Variants in FFAR4 observed in about 807,000 individuals in gnomAD.
The protein encoded by FFAR4 is G-protein coupled receptor 120.
In FFAR4, 19 loss-of-function variants were observed where a neutral mutation model predicts 27.0. That is an observed-to-expected ratio of 0.70 (90% CI 0.49 to 1.03). The LOEUF (loss-of-function observed/expected upper bound fraction) is 1.03, where lower values mean the gene tolerates loss of function less well. Ranked by LOEUF, FFAR4 falls within the 50% of genes least tolerant of loss-of-function variation. The pLI, the probability that FFAR4 is intolerant of heterozygous loss-of-function variation, is 0.00. For synonymous variants in FFAR4, 254 were observed against 215.6 expected (o/e 1.18, Z -1.56); for missense variants, 476 against 479.0 (o/e 0.99, Z 0.06).
At chr10:93,583,277 G>A (rs375239193) in intron 2 of FFAR4, among the ~76,000 whole-genome samples, 4 of 150,792 alleles carry the variant, frequency 2.7e-5, no homozygotes, top group African/African-American at 7.3e-5. Flanking sequence ...TTAGCCGGGC[G>A]TGATGGCGGG....
intron 2 of FFAR4, among the ~76,000 whole-genome samples, chr10:93,578,416 C>CAAA (rs762326870): frequency 5.2e-4 from 31 of 60,050 alleles, no homozygotes; most frequent in Admixed American, 7.8e-4. Context: ...GATTCCCTCT[C>CAAA]AAAAAAAAAA....
At chr10:93,569,123 A>T (rs76035592) in intron 1 of FFAR4, among the ~76,000 whole-genome samples, 4,458 of 152,276 alleles carry the variant, frequency 0.029, 135 homozygotes, top group Non-Finnish European at 0.039. Context: ...TTATTCTCTC[A>T]GTGAGTCACA....
chr10:93,586,889 C>T (rs74695559), intron 2 of FFAR4, among the ~76,000 whole-genome samples: 3,553 of 152,232 alleles, frequency 0.023, 121 homozygotes, highest in African/African-American at 0.08. Flanking sequence ...TGAGTTTGAA[C>T]CCTAAGCACA....
chr10:93,583,131 G>C (rs1053611095), intron 2 of FFAR4, among the ~76,000 whole-genome samples: 20 of 151,500 alleles, frequency 1.3e-4, no homozygotes, highest in African/African-American at 4.8e-4. Context: ...GGCCGGGCGC[G>C]GTGGCTCAAG....
At chr10:93,584,608 G>A (rs914747574) in intron 2 of FFAR4, among the ~76,000 whole-genome samples, 1 of 152,134 alleles carries the variant, frequency 6.6e-6, no homozygotes. Context: ...CTGTTGCCCT[G>A]GTCTCCACCA....
Position 93,576,179 on chromosome 10 carries a change from C to T in FFAR4, c.656C>T (p.Pro219Leu), listed in dbSNP as rs776788951. ...VSFVTLNFLV[P>L]GLVIVISYSK... ...TTTGTTACTTTGAACTTCTTGGTGC[C>T]AGGACTGGTCATTGTGATCAGTTAC... The change falls in exon 2 of 3, where the codon CCA (proline) becomes CTA (leucine). Residue 219 changes from proline (P) to leucine (L), a missense_variant. Physicochemically the swap from Pro to Leu is moderately conservative, Grantham distance 98. Transcript: ENST00000371481. 6.2e-7 allele frequency: 1 copy of T among 1,613,998 alleles called. No homozygotes were observed.
intron 2 of FFAR4, among the ~76,000 whole-genome samples, chr10:93,586,003 G>A (rs969927514): frequency 6.6e-6 from 1 of 152,180 alleles, no homozygotes; most frequent in Non-Finnish European, 1.5e-5. Flanking sequence ...CTAGGGTGGG[G>A]TCCAGTGCTC....
chr10:93,578,416 C>CAAAAAAA (rs762326870), intron 2 of FFAR4, among the ~76,000 whole-genome samples: 1 of 60,198 alleles, frequency 1.7e-5, no homozygotes, highest in African/African-American at 6.0e-5. Context: ...GATTCCCTCT[C>CAAAAAAA]AAAAAAAAAA....
At chr10:93,576,325 C>A in intron 2 of FFAR4, 106 bp downstream of exon 2, 1 of 1,180,154 alleles carries the variant, frequency 8.5e-7, no homozygotes, top group Non-Finnish European at 1.2e-6. Flanking sequence ...TTCACGCCAG[C>A]TCAATCTTGA....
rs539909124 is a variant in FFAR4 at position 93,589,231 on chromosome 10, T to C, written c.*1622T>C. On this transcript the variant is annotated 3_prime_UTR_variant, in exon 3 of 3. Transcript: ENST00000371481. ...ACATAGGGCCTAGGAGTTTATTCTG[T>C]TCTCCAAGCCCCTGGAGGTTGGCAA... 6.6e-6 allele frequency: 1 copy of C among 152,400 alleles called. No individual in the cohort carries two copies. Among genetic ancestry groups the C allele is most frequent in the African/African-American group, 2.4e-5 (1 of 41,546 alleles). 9.4% of individuals were successfully genotyped at this position (152,400 alleles called of 1,614,324 possible). A position where few individuals can be genotyped will look rare whatever the true frequency, so the allele number is the denominator to read the frequency against.
At position 93,588,759 on chromosome 10, in the gene FFAR4, C is replaced by G. The variant is rs1487525256; in HGVS notation, c.*1150C>G. 1.3e-5 allele frequency: 2 copies of G among 152,262 alleles called. No homozygotes were observed. The highest frequency in any genetic ancestry group is 2.9e-5 in the Non-Finnish European group (2 of 68,066). The allele number at this position is 152,262 out of a possible 1,614,324, so 9.4% of individuals were successfully genotyped here. On this transcript the variant is annotated 3_prime_UTR_variant, in exon 3 of 3. Transcript: ENST00000371481. ...GGAGTGCAACGGCACAATCACGGCT[C>G]CCTGAAGCCTCAAATGCCTTGGCTC...
intron 2 of FFAR4, among the ~76,000 whole-genome samples, chr10:93,581,090 A>C (rs1417939994): frequency 1.3e-5 from 2 of 152,250 alleles, no homozygotes; most frequent in Admixed American, 1.3e-4. Context: ...CCAGAATGGA[A>C]GAGCAGCGTG....
At chr10:93,574,814 G>A (rs1341494581) in intron 1 of FFAR4, among the ~76,000 whole-genome samples, 4 of 151,890 alleles carry the variant, frequency 2.6e-5, no homozygotes, top group East Asian at 2.0e-4. Context: ...CAGGAGAATC[G>A]CTTGAACCTG....
chr10:93,567,136 G>T lies in FFAR4; in HGVS notation c.416G>T (p.Cys139Phe). 2 of 1,607,328 alleles carry T rather than the reference G, an allele frequency of 1.2e-6. No homozygotes were observed. ...LAAVSLERMV[C>F]IVHLQRGVRG... ...GCGGTCAGCCTGGAGCGCATGGTGT[G>T]CATCGTGCACCTGCAGCGCGGCGTG... Residue 139 changes from cysteine (C) to phenylalanine (F), a missense_variant, in exon 1 of 3, where the codon TGC (cysteine) becomes TTC (phenylalanine). Physicochemically the swap from Cys to Phe is radical, Grantham distance 205. Transcript: ENST00000371481.
In FFAR4 at chr10:93,566,767, G is replaced by T; in HGVS notation, c.47G>T (p.Ser16Ile). 2 of 1,607,584 alleles carry T rather than the reference G, an allele frequency of 1.2e-6. No individual in the cohort carries two copies. The highest frequency in any genetic ancestry group is 8.5e-7 in the Non-Finnish European group (1 of 1,179,114). Residue 16 changes from serine to isoleucine, a missense_variant, in exon 1 of 3, where the codon AGC (serine) becomes ATC (isoleucine). Coordinates refer to ENST00000371481, the MANE Select transcript of FFAR4 (RefSeq NM_001195755.2). ...GCAGCGGGCGACGCGCCCTTGCGCA[G>T]CCTGGAGCAAGCCAACCGCACCCGC... Reference protein sequence around the residue: ...ARAAGDAPLRSLEQANRTRFP... With the variant: ...ARAAGDAPLRILEQANRTRFP...
chr10:93,578,312 G>A (rs2058176935), intron 2 of FFAR4, among the ~76,000 whole-genome samples: 1 of 151,262 alleles, frequency 6.6e-6, no homozygotes, highest in East Asian at 2.0e-4. Flanking sequence ...AGCTACTGTG[G>A]AGGCTGAGGC....
chr10:93,584,130 T>C (rs893661229), intron 2 of FFAR4, among the ~76,000 whole-genome samples: 2 of 152,214 alleles, frequency 1.3e-5, no homozygotes, highest in African/African-American at 4.8e-5. Flanking sequence ...TTCCTTAGAT[T>C]AACCAGGTTT....
At position 93,581,548 on chromosome 10, in the gene FFAR4, T is replaced by C. The variant is rs570358479; in HGVS notation, c.696+5329T>C. The stretch of plus-strand genomic sequence containing the variant: ...CTGCTGGCATGGGGTGGCAGAAGGG[T>C]GTGAGGTAGGGTGGAGACTACCCCA... On this transcript the variant is annotated intron_variant, in intron 2 of 2. Transcript: ENST00000371481. Among the ~76,000 whole-genome samples the C allele has an allele frequency of 6.4e-3, 978 of 152,012 alleles. 4 individuals are homozygous for C. The highest frequency in any genetic ancestry group is 0.014 in the Middle Eastern group (4 of 294).
rs1315391993 is a variant in FFAR4 at position 93,575,960 on chromosome 10, G to C, written c.568-131G>C. The C allele has an allele frequency of 3.6e-6, 3 of 826,380 alleles. No homozygotes were observed. In the African/African-American group the frequency reaches 5.1e-5, roughly 14 times the overall value. The allele number at this position is 826,380 out of a possible 1,614,324, so 51.2% of individuals were successfully genotyped here. A position where few individuals can be genotyped will look rare whatever the true frequency, so the allele number is the denominator to read the frequency against. ...GGTGGGCAGTGGGAGGGATTCTGGG[G>C]TTCACTGTCATGCTAGTTGTGTAAC... On this transcript the variant is annotated intron_variant, in intron 1 of 2. Transcript: ENST00000371481.
Sources: gnomAD v4.1 joint callset for allele counts (sites outside exome capture counted in the v4.1 genomes callset) on GRCh38, gnomAD v4.1.1 for gene constraint, MANE v1.5 for transcripts, NCBI Gene and HGNC (gene_info 2026-07-23, HGNC 2026-07-21) for gene names.